Variants in DCC observed in about 807,000 individuals in gnomAD.
DCC encodes netrin receptor DCC.
A neutral mutation model predicts 172.5 loss-of-function variants in DCC; 58 were observed. The observed-to-expected ratio is 0.34, with a 90% confidence interval of 0.27 to 0.42. DCC has a LOEUF of 0.42. Among genes scored for constraint, DCC ranks in the 10% least tolerant of loss-of-function variants. The pLI, the probability that DCC is intolerant of heterozygous loss-of-function variation, is 1.00. For missense variants in DCC, 1,740 were observed against 1,791.0 expected (o/e 0.97, Z 0.51); for synonymous variants, 709 against 644.5 (o/e 1.10, Z -1.52).
At chr18:53,115,102 T>C (rs1208174013) in intron 7 of DCC, among the ~76,000 whole-genome samples, 2 of 151,512 alleles carry the variant, frequency 1.3e-5, no homozygotes, top group African/African-American at 4.8e-5. Flanking sequence ...AGCTAACCAA[T>C]GATTTGGAGA....
chr18:53,109,947 A>AT lies in DCC; in HGVS notation c.1261+43791dup, dbSNP rs905474623. ...AATCAGCATTGAAAACTCTGAAAGT[A>AT]TTTTTTTTTTCTGGGAAATAGTGCA... On this transcript the variant is annotated intron_variant, in intron 7 of 28. Transcript: ENST00000442544. Among the ~76,000 whole-genome samples the AT allele has an allele frequency of 9.6e-4, 143 of 149,426 alleles. 1 individual carries two copies. The highest frequency in any genetic ancestry group is 5.9e-3 in the South Asian group (28 of 4,718).
At chr18:52,859,910 G>C (rs2039113159) in intron 2 of DCC, among the ~76,000 whole-genome samples, 1 of 152,116 alleles carries the variant, frequency 6.6e-6, no homozygotes, top group Non-Finnish European at 1.5e-5. Context: ...ATAGGCAAAG[G>C]AAGGGGAAGA....
At chr18:52,963,306 GA>G (rs201952790) in intron 5 of DCC, among the ~76,000 whole-genome samples, 2,041 of 149,626 alleles carry the variant, frequency 0.014, 60 homozygotes, top group African/African-American at 0.048. Context: ...GATTTATGTG[GA>G]AAAAAAAAGG....
intron 2 of DCC, among the ~76,000 whole-genome samples, chr18:52,852,474 A>G (rs2038990809): frequency 1.3e-5 from 2 of 152,204 alleles, no homozygotes; most frequent in Non-Finnish European, 2.9e-5. Context: ...AAAATATCTG[A>G]GCAGCCAATA....
intron 15 of DCC, among the ~76,000 whole-genome samples, chr18:53,352,630 T>G (rs2057825625): frequency 6.6e-6 from 1 of 152,124 alleles, no homozygotes; most frequent in Non-Finnish European, 1.5e-5. Flanking sequence ...TTACAGTGGG[T>G]TTTTTGTTGG....
At chr18:53,123,712 A>G (rs1476424134) in intron 7 of DCC, among the ~76,000 whole-genome samples, 1 of 151,812 alleles carries the variant, frequency 6.6e-6, no homozygotes, top group Non-Finnish European at 1.5e-5. Flanking sequence ...TCTTTCTATT[A>G]CTTTCTTCCA....
chr18:52,824,936 C>A (rs2038482926), intron 2 of DCC, among the ~76,000 whole-genome samples: 1 of 151,000 alleles, frequency 6.6e-6, no homozygotes, highest in African/African-American at 2.4e-5. Flanking sequence ...CACCACTGCA[C>A]CCTAGCCTGG....
rs760486437 is a variant in DCC, at chr18:53,356,110, G to A, written c.2359+16203G>A. ...CACTCTGTCACCCAGGCTGGAGTGCGGTGGTGTGATCATGGCTCACTGCAG... is the reference window on the plus strand; with the variant it reads ...CACTCTGTCACCCAGGCTGGAGTGCAGTGGTGTGATCATGGCTCACTGCAG... On this transcript the variant is annotated intron_variant, in intron 15 of 28. Coordinates refer to ENST00000442544, the MANE Select transcript of DCC (RefSeq NM_005215.4). Among the ~76,000 whole-genome samples, 22 of 151,788 alleles carry A rather than the reference G, an allele frequency of 1.4e-4. No individual in the cohort carries two copies. The East Asian group carries it at 2.1e-3, about 15-fold the overall frequency.
intron 5 of DCC, among the ~76,000 whole-genome samples, chr18:52,961,462 T>C (rs891881981): frequency 6.6e-6 from 1 of 152,180 alleles, no homozygotes; most frequent in East Asian, 1.9e-4. Flanking sequence ...ACCACAATAA[T>C]GGATATTGGG....
chr18:52,468,125 G>C (rs1463833322), intron 1 of DCC, among the ~76,000 whole-genome samples: 1 of 152,128 alleles, frequency 6.6e-6, no homozygotes, highest in Admixed American at 6.6e-5. Context: ...GGTTGCAGGG[G>C]TACAGATATG....
chr18:52,699,320 G>A (rs1568049187), intron 1 of DCC, among the ~76,000 whole-genome samples: 1 of 152,096 alleles, frequency 6.6e-6, no homozygotes, highest in African/African-American at 2.4e-5. Flanking sequence ...CCTCTGGCTA[G>A]GGGTGGTCTC....
chr18:52,992,546 A>G (rs1252848678), intron 5 of DCC, among the ~76,000 whole-genome samples: 1 of 152,152 alleles, frequency 6.6e-6, no homozygotes, highest in African/African-American at 2.4e-5. Context: ...CTGAGAGCTT[A>G]TCTTTCCTTA....
At chr18:52,459,483 T>TC (rs199657825) in intron 1 of DCC, among the ~76,000 whole-genome samples, 4 of 152,072 alleles carry the variant, frequency 2.6e-5, no homozygotes, top group Non-Finnish European at 5.9e-5. Context: ...TTTCTTTCTT[T>TC]TTGAAACAGA....
chr18:52,862,730 A>C (rs987378775), intron 2 of DCC, among the ~76,000 whole-genome samples: 2 of 152,132 alleles, frequency 1.3e-5, no homozygotes, highest in African/African-American at 4.8e-5. Flanking sequence ...AAATTAAAAA[A>C]AATTCAAAAA....
intron 12 of DCC, among the ~76,000 whole-genome samples, chr18:53,255,685 G>A (rs914895028): frequency 2.6e-5 from 4 of 152,044 alleles, no homozygotes; most frequent in Non-Finnish European, 5.9e-5. Flanking sequence ...ACATGTGCAT[G>A]TCTTTATAGC....
intron 5 of DCC, among the ~76,000 whole-genome samples, chr18:53,019,665 C>G (rs2041853017): frequency 6.6e-6 from 1 of 152,080 alleles, no homozygotes; most frequent in African/African-American, 2.4e-5. Flanking sequence ...TCCAGTTTAT[C>G]TGATTTTTTA....
intron 15 of DCC, among the ~76,000 whole-genome samples, chr18:53,358,248 A>T (rs1271097214): frequency 6.6e-6 from 1 of 152,078 alleles, no homozygotes. Flanking sequence ...ATTCAGTATA[A>T]TATAATGCAT....
chr18:52,475,108 A>G (rs1989056833), intron 1 of DCC, among the ~76,000 whole-genome samples: 1 of 152,186 alleles, frequency 6.6e-6, no homozygotes, highest in Non-Finnish European at 1.5e-5. Flanking sequence ...ACATCTAATC[A>G]TTGAAATTCT....
rs117202208 is a variant in DCC, at chr18:52,351,623, A to C, written c.91+10745A>C. On this transcript the variant is annotated intron_variant, in intron 1 of 28. Coordinates refer to ENST00000442544, the MANE Select transcript of DCC (RefSeq NM_005215.4). ...TCCTTTGAAAGCTATCACTGAACAG[A>C]GGGAAACAAAACTTCACCTTTTCTA... 7.9e-3 allele frequency among the ~76,000 whole-genome samples: 1,207 copies of C among 152,324 alleles called. 13 individuals are homozygous for C. The highest frequency in any genetic ancestry group is 8.8e-3 in the Non-Finnish European group (598 of 68,030).
Sources: gnomAD v4.1 joint callset for allele counts (sites outside exome capture counted in the v4.1 genomes callset) on GRCh38, gnomAD v4.1.1 for gene constraint, MANE v1.5 for transcripts, NCBI Gene and HGNC (gene_info 2026-07-23, HGNC 2026-07-21) for gene names.